PCYT1B: variants seen among roughly 807,000 people sequenced by gnomAD.
PCYT1B encodes choline-phosphate cytidylyltransferase B.
In PCYT1B, 10 loss-of-function variants were observed where a neutral mutation model predicts 26.4. The ratio of observed to expected loss-of-function variants is 0.38; its 90% CI spans 0.23 to 0.64. The LOEUF is 0.64. Ranked by LOEUF, PCYT1B falls within the 30% of genes least tolerant of loss-of-function variation. The pLI is 0.56. For missense variants in PCYT1B, 161 were observed against 292.7 expected (o/e 0.55, Z 3.28); for synonymous variants, 131 against 108.4 (o/e 1.21, Z -1.29).
At chrX:24,660,827 G>T (rs903327569) in intron 1 of PCYT1B, among the ~76,000 whole-genome samples, 15 of 111,327 alleles carry the variant, frequency 1.3e-4, no homozygotes, top group African/African-American at 4.9e-4. Context: ...CATCTTCAAA[G>T]AAAAATAATC....
intron 1 of PCYT1B, among the ~76,000 whole-genome samples, chrX:24,659,624 G>A (rs761159885): frequency 6.3e-5 from 7 of 111,957 alleles, no homozygotes; most frequent in Non-Finnish European, 1.1e-4. Flanking sequence ...GAACAGAAAT[G>A]TATTTGGCTC....
At position 24,607,224 on chromosome X, in the gene PCYT1B, C is replaced by A. The variant is rs189047911; in HGVS notation, c.334+521G>T. On this transcript the variant is annotated intron_variant, in intron 3 of 7. Transcript: ENST00000379144. ...ACCAAGATTACCTCGGTATATAAATCTCCATGTCTTTAACACACTGCTACA... is the reference window on the plus strand; with the variant it reads ...ACCAAGATTACCTCGGTATATAAATATCCATGTCTTTAACACACTGCTACA... Among the ~76,000 whole-genome samples the A allele has an allele frequency of 9.8e-5, 11 of 112,257 alleles. No individual in the cohort carries two copies. In the South Asian group the frequency reaches 1.9e-3, roughly 19 times the overall value.
intron 1 of PCYT1B, among the ~76,000 whole-genome samples, chrX:24,641,733 A>T (rs1926470869): frequency 8.9e-6 from 1 of 112,472 alleles, no homozygotes; most frequent in East Asian, 2.8e-4. Context: ...TTGCATGCTG[A>T]CATAATATTT....
At chrX:24,655,207 A>G (rs1926880528) in intron 1 of PCYT1B, among the ~76,000 whole-genome samples, 1 of 112,263 alleles carries the variant, frequency 8.9e-6, no homozygotes, top group Non-Finnish European at 1.9e-5. Context: ...TGGTAGAAGT[A>G]TCACTTGAAT....
intron 1 of PCYT1B, among the ~76,000 whole-genome samples, chrX:24,646,339 A>G (rs1745722615): frequency 9.0e-6 from 1 of 111,703 alleles, no homozygotes; most frequent in South Asian, 3.8e-4. Context: ...TCTTAAAGGC[A>G]TGCAACCCCT....
intron 7 of PCYT1B, among the ~76,000 whole-genome samples, chrX:24,573,157 CACACACAT>C (rs72368831): frequency 0.47 from 44,654 of 95,705 alleles, 9,607 homozygotes; most frequent in Non-Finnish European, 0.57. Flanking sequence ...CACACACACA[CACACACAT>C]ATATATATAT....
At chrX:24,656,224 G>A (rs1308986691) in intron 1 of PCYT1B, among the ~76,000 whole-genome samples, 1 of 62,121 alleles carries the variant, frequency 1.6e-5, no homozygotes, top group African/African-American at 5.5e-5. Context: ...TATTGCAGGG[G>A]GTCGCGGGGG....
chrX:24,600,726 C>G (rs886950882), intron 3 of PCYT1B, among the ~76,000 whole-genome samples: 14 of 111,382 alleles, frequency 1.3e-4, no homozygotes, highest in Non-Finnish European at 2.4e-4. Context: ...AAAACTGACA[C>G]TATCTGACTT....
chrX:24,634,793 A>T (rs1329819987), intron 1 of PCYT1B, among the ~76,000 whole-genome samples: 1 of 111,996 alleles, frequency 8.9e-6, no homozygotes, highest in Non-Finnish European at 1.9e-5. Flanking sequence ...TCCTGCAATG[A>T]AATAGGAAAG....
chrX:24,576,965 T>C (rs1032704487), intron 6 of PCYT1B, among the ~76,000 whole-genome samples: 1 of 112,168 alleles, frequency 8.9e-6, no homozygotes, highest in Middle Eastern at 4.6e-3. Flanking sequence ...GTTGCCTTTA[T>C]ATCATTCTTT....
intron 1 of PCYT1B, among the ~76,000 whole-genome samples, chrX:24,619,450 G>C (rs1332349480): frequency 9.0e-6 from 1 of 111,673 alleles, no homozygotes; most frequent in African/African-American, 3.3e-5. Context: ...AAAGGAAACT[G>C]AGGCTCATTA....
At chrX:24,585,680 C>G (rs1411955270) in intron 5 of PCYT1B, among the ~76,000 whole-genome samples, 1 of 111,374 alleles carries the variant, frequency 9.0e-6, no homozygotes, top group African/African-American at 3.3e-5. Flanking sequence ...CCAGAGTGCT[C>G]CAGAAACTTA....
intron 1 of PCYT1B, among the ~76,000 whole-genome samples, chrX:24,634,096 T>A (rs1003411370): frequency 9.1e-5 from 10 of 109,971 alleles, no homozygotes; most frequent in Non-Finnish European, 1.5e-4. Context: ...AAAAAAAAAA[T>A]TTTGTAGAGA....
At chrX:24,588,594 G>C (rs2148232718) in intron 4 of PCYT1B, among the ~76,000 whole-genome samples, 1 of 111,719 alleles carries the variant, frequency 9.0e-6, no homozygotes, top group East Asian at 2.8e-4. Flanking sequence ...ACTACTTGCT[G>C]GCTATATAAC....
At chrX:24,613,157 T>C (rs895038149) in intron 2 of PCYT1B, among the ~76,000 whole-genome samples, 1 of 111,904 alleles carries the variant, frequency 8.9e-6, no homozygotes, top group Admixed American at 9.6e-5. Flanking sequence ...TTCTACCTTG[T>C]TGGTACCTGC....
At chrX:24,635,730 G>C (rs776977386) in intron 1 of PCYT1B, among the ~76,000 whole-genome samples, 1 of 111,732 alleles carries the variant, frequency 8.9e-6, no homozygotes, top group African/African-American at 3.3e-5. Context: ...GTCACTCAGG[G>C]TTCCATCCTG....
At chrX:24,635,350 G>A (rs368876686) in intron 1 of PCYT1B, among the ~76,000 whole-genome samples, 28 of 112,112 alleles carry the variant, frequency 2.5e-4, no homozygotes, top group African/African-American at 7.1e-4. Context: ...AATATATTTA[G>A]AAGACATATA....
chrX:24,609,433 T>C (rs1925239488), intron 2 of PCYT1B, among the ~76,000 whole-genome samples: 1 of 111,979 alleles, frequency 8.9e-6, no homozygotes, highest in Admixed American at 9.5e-5. Flanking sequence ...CCTCTCAAAG[T>C]GCTGGGATTA....
chrX:24,671,536 C>A (rs1388271384), intron 1 of PCYT1B, among the ~76,000 whole-genome samples: 7 of 111,212 alleles, frequency 6.3e-5, no homozygotes, highest in Admixed American at 9.6e-5. Context: ...TGGATATGAA[C>A]CTAGACTACT....
Sources: gnomAD v4.1 joint callset for allele counts (sites outside exome capture counted in the v4.1 genomes callset) on GRCh38, gnomAD v4.1.1 for gene constraint, MANE v1.5 for transcripts, NCBI Gene and HGNC (gene_info 2026-07-23, HGNC 2026-07-21) for gene names.